The following PDK1 variants were observed in gnomAD, a reference collection of about 807,000 sequenced individuals.
The protein encoded by PDK1 is pyruvate dehydrogenase kinase 1.
Under a neutral mutation model 54.2 loss-of-function variants are expected in PDK1, and 39 were observed. The ratio of observed to expected loss-of-function variants is 0.72; its 90% confidence interval spans 0.56 to 0.94. The LOEUF is 0.94. Among genes scored for constraint, PDK1 ranks in the 40% least tolerant of loss-of-function variants. The pLI is 0.00. For missense variants in PDK1, 552 were observed against 566.0 expected (o/e 0.98, Z 0.25); for synonymous variants, 221 against 207.1 (o/e 1.07, Z -0.58).
chr2:172,709,476 C>T, the PDK1 span, among the ~76,000 whole-genome samples: 1 of 152,170 alleles, frequency 6.6e-6, no homozygotes, highest in East Asian at 1.9e-4. Flanking sequence ...AACGCTCATC[C>T]CAAATAAGTT....
At chr2:172,611,691 C>T (rs1011872090), downstream of PDK1, among the ~76,000 whole-genome samples, 2 of 152,152 alleles carry the variant, frequency 1.3e-5, no homozygotes, top group Non-Finnish European at 2.9e-5. Flanking sequence ...ACAAGAAGTA[C>T]GTGTCATGAC....
At chr2:172,689,267 A>G in the PDK1 span, among the ~76,000 whole-genome samples, 25 of 152,224 alleles carry the variant, frequency 1.6e-4, no homozygotes, top group Non-Finnish European at 3.4e-4. Flanking sequence ...TGATTGGAGC[A>G]TTTTACAAAC....
intron 8 of PDK1, among the ~76,000 whole-genome samples, chr2:172,579,049 G>T (rs999993434): frequency 5.3e-5 from 8 of 152,126 alleles, no homozygotes; most frequent in Admixed American, 3.3e-4. Context: ...ATGACCCTGG[G>T]CATGAGTATG....
At chr2:172,637,958 G>A in the PDK1 span, among the ~76,000 whole-genome samples, 2 of 152,016 alleles carry the variant, frequency 1.3e-5, no homozygotes, top group African/African-American at 4.8e-5. Flanking sequence ...GCCTCCCAAA[G>A]TTCTGGGATT....
At chr2:172,571,611 A>T (rs1159458097) in intron 8 of PDK1, among the ~76,000 whole-genome samples, 2 of 151,948 alleles carry the variant, frequency 1.3e-5, no homozygotes, top group African/African-American at 2.4e-5. Context: ...GCCTCAAGTG[A>T]TCCTCCCACC....
chr2:172,692,010 C>G, the PDK1 span, among the ~76,000 whole-genome samples: 5 of 152,290 alleles, frequency 3.3e-5, no homozygotes, highest in African/African-American at 9.6e-5. Context: ...AGCTGGATTT[C>G]TCCCCTTTGG....
chr2:172,684,161 C>T, the PDK1 span, among the ~76,000 whole-genome samples: 1 of 152,176 alleles, frequency 6.6e-6, no homozygotes, highest in Non-Finnish European at 1.5e-5. Context: ...TGGCTTATGC[C>T]TGTAATCCCA....
the PDK1 span, among the ~76,000 whole-genome samples, chr2:172,699,681 A>G: frequency 6.6e-6 from 1 of 151,930 alleles, no homozygotes; most frequent in Non-Finnish European, 1.5e-5. Context: ...AATATTTACC[A>G]ATTTAAGTGA....
the PDK1 span, among the ~76,000 whole-genome samples, chr2:172,672,904 A>G: frequency 2.0e-5 from 3 of 152,210 alleles, no homozygotes; most frequent in Non-Finnish European, 4.4e-5. Context: ...CCCAAGTCAT[A>G]CAGCATCAAA....
the PDK1 span, among the ~76,000 whole-genome samples, chr2:172,671,513 G>A: frequency 6.7e-6 from 1 of 149,684 alleles, no homozygotes; most frequent in Non-Finnish European, 1.5e-5. Context: ...TCCCTCAGAG[G>A]ATTATAATAC....
At chr2:172,612,960 C>T (rs1691509923), downstream of PDK1, among the ~76,000 whole-genome samples, 1 of 152,160 alleles carries the variant, frequency 6.6e-6, no homozygotes. Context: ...GCACCCGGCC[C>T]AGCTAGTGTT....
chr2:172,583,161 G>A (rs2149266644), intron 8 of PDK1, among the ~76,000 whole-genome samples: 1 of 151,314 alleles, frequency 6.6e-6, no homozygotes, highest in African/African-American at 2.4e-5. Flanking sequence ...TAAAGGATGA[G>A]TAATTAACAA....
At chr2:172,670,868 C>T in the PDK1 span, among the ~76,000 whole-genome samples, 2 of 152,094 alleles carry the variant, frequency 1.3e-5, no homozygotes, top group African/African-American at 2.4e-5. Context: ...ATAAAAGGCA[C>T]GAACGTCCCT....
At chr2:172,574,820 G>A (rs1283244148) in intron 8 of PDK1, among the ~76,000 whole-genome samples, 1 of 151,992 alleles carries the variant, frequency 6.6e-6, no homozygotes, top group East Asian at 1.9e-4. Context: ...GTAAATTTTT[G>A]TGGATTACTT....
At chr2:172,711,791 G>A in the PDK1 span, among the ~76,000 whole-genome samples, 19 of 137,910 alleles carry the variant, frequency 1.4e-4, no homozygotes, top group Admixed American at 1.2e-3. Context: ...ACTTGAGCCC[G>A]AAAGGTTGAG....
chr2:172,592,822 C>T (rs1451888798), intron 9 of PDK1, 113 bp from the exon 10 acceptor site: 1 of 534,544 alleles, frequency 1.9e-6, no homozygotes, highest in African/African-American at 1.9e-5. Context: ...TATAATGCAT[C>T]TCTCAGATGC....
rs1253361006 is a variant in PDK1 at position 172,599,076 on chromosome 2, T to G, written c.*3107T>G. On this transcript the variant is annotated 3_prime_UTR_variant, in exon 11 of 11. Coordinates refer to ENST00000282077, the MANE Select transcript of PDK1 (RefSeq NM_002610.5). ...TACTGCAAATGATTGACTTGTTGCATAAATGAAGATCTTCTGTTGTGTGCT... is the reference window on the plus strand; with the variant it reads ...TACTGCAAATGATTGACTTGTTGCAGAAATGAAGATCTTCTGTTGTGTGCT... The G allele has an allele frequency of 2.0e-5, 3 of 151,280 alleles. No homozygotes were observed. The highest frequency in any genetic ancestry group is 4.4e-5 in the Non-Finnish European group (3 of 67,918). The allele number at this position is 151,280 out of a possible 1,614,324, so 9.4% of individuals were successfully genotyped here.
At chr2:172,622,395 ATATAT>A in the PDK1 span, among the ~76,000 whole-genome samples, 34 of 145,054 alleles carry the variant, frequency 2.3e-4, no homozygotes, top group Admixed American at 2.0e-3. Context: ...TGTTTATATC[ATATAT>A]TATGTGAGAT....
intron 10 of PDK1, among the ~76,000 whole-genome samples, chr2:172,593,467 T>G (rs1287861251): frequency 2.6e-5 from 4 of 152,190 alleles, no homozygotes; most frequent in Admixed American, 2.0e-4. Flanking sequence ...CATTTTAGTT[T>G]CTTTAAACCA....
Sources: gnomAD v4.1 joint callset for allele counts (sites outside exome capture counted in the v4.1 genomes callset) on GRCh38, gnomAD v4.1.1 for gene constraint, MANE v1.5 for transcripts, NCBI Gene and HGNC (gene_info 2026-07-23, HGNC 2026-07-21) for gene names.